PCDHGC4: variants seen among roughly 807,000 people sequenced by gnomAD.
PCDHGC4 encodes the protein protocadherin gamma subfamily C, 4.
PCDHGC4 carries 15 observed loss-of-function variants against 59.7 expected under a neutral mutation model. The ratio of observed to expected loss-of-function variants is 0.25; its 90% CI spans 0.17 to 0.39. The LOEUF (loss-of-function observed/expected upper bound fraction) is 0.39, where lower values mean the gene tolerates loss of function less well. Ranked by LOEUF, PCDHGC4 falls within the 10% of genes least tolerant of loss-of-function variation. The pLI is 1.00. For synonymous variants in PCDHGC4, 434 were observed against 481.4 expected (o/e 0.90, Z 1.29); for missense variants, 1,016 against 1,189.5 (o/e 0.85, Z 2.15).
chr5:141,486,012 A>C lies in PCDHGC4; in HGVS notation c.839A>C (p.Tyr280Ser). The C allele has an allele frequency of 1.9e-6, 3 of 1,614,064 alleles. No homozygotes were observed. The highest frequency in any genetic ancestry group is 2.5e-6 in the Non-Finnish European group (3 of 1,179,984). The change falls in exon 1 of 4, where the codon TAT becomes TCT. Residue 280 changes from tyrosine to serine, a missense_variant. Physicochemically the swap from Tyr to Ser is moderately radical, Grantham distance 144 (BLOSUM62 -2). Coordinates refer to ENST00000306593, the MANE Select transcript of PCDHGC4 (RefSeq NM_018928.3). The surrounding 1 kb of genome is among the most constrained non-coding windows in gnomAD (Gnocchi z 5.0). ...GGTCCCAGTGGTAACGTCACCTTTT[A>C]TTTCAGTGGTCATACCCCTGATCGT... The part of the protein sequence containing the change: ...DLGPSGNVTF[Y>S]FSGHTPDRVR...
At position 141,485,651 on chromosome 5, in the gene PCDHGC4, G is replaced by A. The variant is rs752827268; in HGVS notation, c.478G>A (p.Ala160Thr). The A allele has an allele frequency of 6.8e-6, 11 of 1,612,228 alleles. No individual in the cohort carries two copies. The Admixed American group carries it at 1.3e-4, about 20-fold the overall frequency. ...QRFPLEKAQD[A>T]DVGSNSISSY... is the part of the protein sequence containing the mutation. ...TTTCCCGTTGGAAAAGGCTCAGGATGCAGATGTGGGGAGCAATTCGATTAG... is the reference window on the plus strand; with the variant it reads ...TTTCCCGTTGGAAAAGGCTCAGGATACAGATGTGGGGAGCAATTCGATTAG... The change falls in exon 1 of 4, where the codon GCA (alanine) becomes ACA (threonine). Residue 160 changes from alanine to threonine, a missense_variant. Ala to Thr is a moderately conservative substitution (Grantham distance 58, BLOSUM62 0). Transcript: ENST00000306593. This position sits in a 1 kb window ranked among gnomAD's most constrained non-coding sequence, Gnocchi z 5.7.
In PCDHGC4 at chr5:141,486,610, C is replaced by G; in HGVS notation, c.1437C>G (p.Ala479=). 6.2e-7 allele frequency: 1 copy of G among 1,613,620 alleles called. No homozygotes were observed. The highest frequency in any genetic ancestry group is 8.5e-7 in the Non-Finnish European group (1 of 1,180,038). The change falls in exon 1 of 4, where the codon GCC becomes GCG. Residue 479 remains alanine (A), a synonymous_variant. Coordinates refer to ENST00000306593, the MANE Select transcript of PCDHGC4 (RefSeq NM_018928.3). This position sits in a 1 kb window ranked among gnomAD's most constrained non-coding sequence, Gnocchi z 5.0. ...RPGDLLCSLA[A]SDPDSGLNAL... ...GGGACCTGCTTTGCTCCCTTGCAGC[C>G]TCTGACCCAGACTCTGGCTTGAATG...
Position 141,486,775 on chromosome 5 carries a change from G to A in PCDHGC4, c.1602G>A (p.Glu534=), listed in dbSNP as rs2099634725. The change falls in exon 1 of 4, where the codon GAG becomes GAA. Residue 534 remains glutamate (E), a synonymous_variant. Coordinates refer to ENST00000306593, the MANE Select transcript of PCDHGC4 (RefSeq NM_018928.3). This position sits in a 1 kb window ranked among gnomAD's most constrained non-coding sequence, Gnocchi z 5.0. ...DYEQTQTLQF[E]VQARDRGNPP... ...AGCAAACCCAGACACTGCAGTTTGA[G>A]GTGCAGGCCCGGGATCGGGGCAACC... 7 of 1,614,122 alleles carry A rather than the reference G, an allele frequency of 4.3e-6. No individual in the cohort carries two copies. Among genetic ancestry groups the A allele is most frequent in the Non-Finnish European group, 5.9e-6 (7 of 1,180,060 alleles).
Position 141,491,900 on chromosome 5 carries a change from G to A in PCDHGC4, c.2443-2907G>A, listed in dbSNP as rs1268804496. 7.0e-7 allele frequency: 1 copy of A among 1,429,818 alleles called. No individual in the cohort carries two copies. Among genetic ancestry groups the A allele is most frequent in the East Asian group, 2.5e-5 (1 of 39,444 alleles). The allele number at this position is 1,429,818 out of a possible 1,614,324, so 88.6% of individuals were successfully genotyped here. A position where few individuals can be genotyped will look rare whatever the true frequency, so the allele number is the denominator to read the frequency against. ...TAAGGGATGGGGCTCCGAGCACCGGGGGTGGTGGCGACTGTGGGCGAGGGG... is the reference window on the plus strand; with the variant it reads ...TAAGGGATGGGGCTCCGAGCACCGGAGGTGGTGGCGACTGTGGGCGAGGGG... On this transcript the variant is annotated intron_variant, in intron 1 of 3. Coordinates refer to ENST00000306593, the MANE Select transcript of PCDHGC4 (RefSeq NM_018928.3). This position sits in a 1 kb window ranked among gnomAD's most constrained non-coding sequence, Gnocchi z 6.9.
In PCDHGC4 at chr5:141,486,407, C is replaced by A; in HGVS notation, c.1234C>A (p.Pro412Thr). The A allele has an allele frequency of 6.2e-7, 1 of 1,614,134 alleles. No homozygotes were observed. The highest frequency in any genetic ancestry group is 8.5e-7 in the Non-Finnish European group (1 of 1,180,000). Residue 412 changes from proline to threonine, a missense_variant, in exon 1 of 4, where the codon CCC (proline) becomes ACC (threonine). By Grantham distance (38) the Pro-to-Thr change is conservative (BLOSUM62 -1). Transcript: ENST00000306593. This position sits in a 1 kb window ranked among gnomAD's most constrained non-coding sequence, Gnocchi z 5.0. Reference sequence around the variant, plus strand: ...CCAGTTCTCCCTGGTGACTGCTGGACCCTTGGATCGAGAGGCCAAATCTAG... The same window carrying A: ...CCAGTTCTCCCTGGTGACTGCTGGAACCTTGGATCGAGAGGCCAAATCTAG... ...RNQFSLVTAG[P>T]LDREAKSSYD...
At chr5:141,510,626 AGGTG>A (rs2099882005) in intron 3 of PCDHGC4, among the ~76,000 whole-genome samples, 1 of 152,144 alleles carries the variant, frequency 6.6e-6, no homozygotes, top group Admixed American at 6.5e-5. Context: ...AAACCAGAAG[AGGTG>A]GTTACCATTA....
In PCDHGC4 at chr5:141,487,562, G is replaced by A. The variant is rs140619162; in HGVS notation, c.2389G>A (p.Gly797Arg). The A allele has an allele frequency of 7.7e-5, 125 of 1,614,060 alleles. 1 individual carries two copies. The highest frequency in any genetic ancestry group is 5.7e-4 in the Admixed American group (34 of 60,006). Residue 797 changes from glycine to arginine, a missense_variant, in exon 1 of 4, where the codon GGG (glycine) becomes AGG (arginine). Transcript: ENST00000306593. The surrounding 1 kb of genome is among the most constrained non-coding windows in gnomAD (Gnocchi z 5.0). ...MVKSPSAPMAGEPVRPSCPPS... is the reference protein window; with the variant it reads ...MVKSPSAPMAREPVRPSCPPS... ...GAAGTCACCCAGTGCACCTATGGCA[G>A]GGGAGCCTGTTCGCCCAAGCTGCCC...
Position 141,505,556 on chromosome 5 carries a change from C to T in PCDHGC4, c.2590+75C>T, listed in dbSNP as rs2233611. ...GGGTGCATCTCACAGCCACCATGCC[C>T]ACGGACTGGATGTCAAACCTGTGTA... On this transcript the variant is annotated intron_variant, in intron 3 of 3. Transcript: ENST00000306593. 1,282 of 1,606,040 alleles carry T rather than the reference C, an allele frequency of 8.0e-4. 6 individuals are homozygous for T. In the African/African-American group the frequency reaches 0.013, roughly 16 times the overall value.
intron 2 of PCDHGC4, among the ~76,000 whole-genome samples, chr5:141,498,792 G>A (rs1217057199): frequency 2.6e-5 from 4 of 152,086 alleles, no homozygotes; most frequent in Admixed American, 2.6e-4. Context: ...TATTAGCCAG[G>A]TGTGGTGGTG....
chr5:141,494,818 C>T lies in PCDHGC4; in HGVS notation c.2454C>T (p.Pro818=). The part of the protein sequence containing the change: ...DLLYGLEQAP[P]NTDWRFSQAQ... ...TGTTTTCTCCACAGCAAGCCCCGCCCAACACGGACTGGCGTTTCTCTCAGG... is the reference window on the plus strand; with the variant it reads ...TGTTTTCTCCACAGCAAGCCCCGCCTAACACGGACTGGCGTTTCTCTCAGG... Residue 818 remains proline (P), a synonymous_variant, in exon 2 of 4, where the codon CCC becomes CCT. Transcript: ENST00000306593. 1.9e-6 allele frequency: 3 copies of T among 1,614,152 alleles called. No homozygotes were observed. The highest frequency in any genetic ancestry group is 2.2e-5 in the South Asian group (2 of 91,074).
Position 141,486,054 on chromosome 5 carries a change from G to T in PCDHGC4, c.881G>T (p.Ser294Ile). The T allele has an allele frequency of 1.2e-6, 2 of 1,614,124 alleles. No homozygotes were observed. Among genetic ancestry groups the T allele is most frequent in the South Asian group, 1.1e-5 (1 of 91,072 alleles). The change falls in exon 1 of 4, where the codon AGC becomes ATC. Residue 294 changes from serine to isoleucine, a missense_variant. Ser to Ile is a moderately radical substitution (Grantham distance 142). Transcript: ENST00000306593. The surrounding 1 kb of genome is among the most constrained non-coding windows in gnomAD (Gnocchi z 5.0). ...HTPDRVRNLF[S>I]LHPTTGKLTL... The stretch of plus-strand genomic sequence containing the variant: ...CCTGATCGTGTAAGAAACCTCTTTA[G>T]CCTGCACCCCACTACTGGAAAGCTT...
At position 141,490,169 on chromosome 5, in the gene PCDHGC4, T is replaced by C; in HGVS notation, c.2442+2554T>C. ...ATCCATGTGTTGGGTCCCATAGACT[T>C]TGAGGAGTCACGTTTCTATGAAATT... On this transcript the variant is annotated intron_variant, in intron 1 of 3. Transcript: ENST00000306593. This position sits in a 1 kb window ranked among gnomAD's most constrained non-coding sequence, Gnocchi z 5.4. 6.2e-7 allele frequency: 1 copy of C among 1,614,190 alleles called. No individual in the cohort carries two copies. The highest frequency in any genetic ancestry group is 8.5e-7 in the Non-Finnish European group (1 of 1,180,018).
chr5:141,498,616 G>T (rs1202866176), intron 2 of PCDHGC4, among the ~76,000 whole-genome samples: 1 of 152,138 alleles, frequency 6.6e-6, no homozygotes, highest in East Asian at 1.9e-4. Flanking sequence ...AGTCAGCACT[G>T]GGTCACACTG....
At chr5:141,492,601 C>T (rs1374321466) in intron 1 of PCDHGC4, among the ~76,000 whole-genome samples, 2 of 152,220 alleles carry the variant, frequency 1.3e-5, no homozygotes, top group East Asian at 3.9e-4. Context: ...GGAGCGACTG[C>T]CGCTCTAAGT....
Position 141,486,672 on chromosome 5 carries a change from G to A in PCDHGC4, c.1499G>A (p.Arg500Gln). The A allele has an allele frequency of 5.0e-6, 8 of 1,614,000 alleles. No homozygotes were observed. Among genetic ancestry groups the A allele is most frequent in the Non-Finnish European group, 5.9e-6 (7 of 1,180,028 alleles). The change falls in exon 1 of 4, where the codon CGA becomes CAA. Residue 500 changes from arginine to glutamine, a missense_variant. Physicochemically the swap from Arg to Gln is conservative, Grantham distance 43. Coordinates refer to ENST00000306593, the MANE Select transcript of PCDHGC4 (RefSeq NM_018928.3). This position sits in a 1 kb window ranked among gnomAD's most constrained non-coding sequence, Gnocchi z 5.0. ...ISYSLLEPRN[R>Q]DVSASSFISL... Reference sequence around the variant, plus strand: ...TACTCACTCCTGGAGCCCAGGAATCGAGATGTATCAGCTTCCTCTTTCATC... The same window carrying A: ...TACTCACTCCTGGAGCCCAGGAATCAAGATGTATCAGCTTCCTCTTTCATC...
chr5:141,490,338 C>A lies in PCDHGC4; in HGVS notation c.2442+2723C>A, dbSNP rs1408559629. Reference sequence around the variant, plus strand: ...CTGTCCTAGAGAGCACACCAGTGGGCACAGTAGTGGGGTTGTTTAATGTGC... The same window carrying A: ...CTGTCCTAGAGAGCACACCAGTGGGAACAGTAGTGGGGTTGTTTAATGTGC... On this transcript the variant is annotated intron_variant, in intron 1 of 3. Coordinates refer to ENST00000306593, the MANE Select transcript of PCDHGC4 (RefSeq NM_018928.3). This position sits in a 1 kb window ranked among gnomAD's most constrained non-coding sequence, Gnocchi z 5.4. 6.2e-7 allele frequency: 1 copy of A among 1,614,184 alleles called. No homozygotes were observed. The highest frequency in any genetic ancestry group is 1.7e-5 in the Admixed American group (1 of 60,032).
chr5:141,494,675 C>A, intron 1 of PCDHGC4, 132 bp from the exon 2 acceptor site: 2 of 1,548,574 alleles, frequency 1.3e-6, no homozygotes, highest in South Asian at 1.2e-5. Flanking sequence ...TGAGTCCACC[C>A]CTGCCCCCTC....
chr5:141,492,320 G>T (rs1001784912), intron 1 of PCDHGC4, among the ~76,000 whole-genome samples: 1 of 152,206 alleles, frequency 6.6e-6, no homozygotes, highest in Non-Finnish European at 1.5e-5. Context: ...CTCCTCGCAC[G>T]TGGGCTTACG....
At chr5:141,506,444 CAAAA>C (rs1219684339) in intron 3 of PCDHGC4, among the ~76,000 whole-genome samples, 5 of 95,022 alleles carry the variant, frequency 5.3e-5, no homozygotes, top group Admixed American at 1.1e-4. Context: ...CGCTCTGTCT[CAAAA>C]AAAAAAAAAA....
Sources: allele counts gnomAD v4.1 joint callset (sites outside exome capture counted in the v4.1 genomes callset), GRCh38; gene constraint gnomAD v4.1.1; non-coding constraint Gnocchi (gnomAD v3.1); transcripts MANE v1.5; gene names NCBI Gene and HGNC (gene_info 2026-07-23, HGNC 2026-07-21).